Variants in CCDC180 observed in about 807,000 individuals in gnomAD.
CCDC180 encodes the protein coiled-coil domain containing 180.
In CCDC180, 154 loss-of-function variants were observed where a neutral mutation model predicts 209.2. The observed-to-expected ratio is 0.74, with a 90% confidence interval of 0.65 to 0.84. CCDC180 has a LOEUF of 0.84. CCDC180 is among the 40% of genes least tolerant of loss of function. The pLI is 0.00. For missense variants in CCDC180, 1,874 were observed against 1,997.3 expected, an observed-to-expected ratio of 0.94 and a Z score of 1.18; for synonymous variants, 778 against 749.1, an observed-to-expected ratio of 1.04 and a Z score of -0.63.
In CCDC180 at chr9:97,354,615, C is replaced by G. The variant is rs1206443745; in HGVS notation, c.3049C>G (p.Leu1017Val). Residue 1017 changes from leucine to valine, a missense_variant, in exon 23 of 37, where the codon CTG becomes GTG. By Grantham distance (32) the Leu-to-Val change is conservative. Coordinates refer to ENST00000529487, the MANE Select transcript of CCDC180 (RefSeq NM_020893.6). Reference protein sequence around the residue: ...GNFSPKEINSLCSRLEKEAAR... With the variant: ...GNFSPKEINSVCSRLEKEAAR... ...CTTTTCTCCTAAAGAAATCAATTCA[C>G]TGTGTTCCCGACTGGAGAAGGAAGC... The G allele has an allele frequency of 1.9e-6, 3 of 1,614,080 alleles. No homozygotes were observed. In the Admixed American group the frequency reaches 5.0e-5, roughly 27 times the overall value.
Position 97,337,955 on chromosome 9 carries a change from G to A in CCDC180, c.2275-5385G>A, listed in dbSNP as rs567720500. The stretch of plus-strand genomic sequence containing the variant: ...AGTTTTTCTAGTTTATTTGCATAGC[G>A]GTGTTTATAGTATTCTCTGATGGTA... On this transcript the variant is annotated intron_variant, in intron 18 of 36. Coordinates refer to ENST00000529487, the MANE Select transcript of CCDC180 (RefSeq NM_020893.6). Among the ~76,000 whole-genome samples, 30 of 152,220 alleles carry A rather than the reference G, an allele frequency of 2.0e-4. No individual in the cohort carries two copies. In the East Asian group the frequency reaches 3.9e-3, roughly 20 times the overall value.
Position 97,325,043 on chromosome 9 carries a change from C to G in CCDC180, c.1396C>G (p.Gln466Glu), listed in dbSNP as rs766961693. 1.2e-6 allele frequency: 2 copies of G among 1,613,972 alleles called. No individual in the cohort carries two copies. The highest frequency in any genetic ancestry group is 1.1e-5 in the South Asian group (1 of 91,014). ...LDKSFETLAD[Q>E]TEWQSSHLFK... The stretch of plus-strand genomic sequence containing the variant: ...GAAATCCTTCGAGACTCTGGCAGAT[C>G]AGACAGAGTGGCAGAGTTCACACCT... The change falls in exon 14 of 37, where the codon CAG becomes GAG. Residue 466 changes from glutamine (Q) to glutamate (E), a missense_variant. Gln to Glu is a conservative substitution (Grantham distance 29). Transcript: ENST00000529487.
chr9:97,307,823 C>T lies in CCDC180; in HGVS notation c.-82+17C>T, dbSNP rs1390636479. On this transcript the variant is annotated intron_variant, in intron 1 of 36. Coordinates refer to ENST00000529487, the MANE Select transcript of CCDC180 (RefSeq NM_020893.6). ...TCATCTGAGGTTAGTTTCATCGTTT[C>T]GTTGAAAGTTAAAACCCTAAGTCGA... 3 of 1,614,016 alleles carry T rather than the reference C, an allele frequency of 1.9e-6. No homozygotes were observed. Among genetic ancestry groups the T allele is most frequent in the Admixed American group, 1.7e-5 (1 of 60,006 alleles).
intron 33 of CCDC180, 172 bp downstream of exon 33, chr9:97,370,950 CTTTTTTTTTTT>C (rs67153822): frequency 1.4e-4 from 16 of 115,142 alleles, no homozygotes; most frequent in Non-Finnish European, 1.8e-4. Context: ...AACTTGTATA[CTTTTTTTTTTT>C]TTTTTTTTTT....
At chr9:97,313,131 G>A in intron 4 of CCDC180, 105 bp from the exon 5 acceptor site, 1 of 722,154 alleles carries the variant, frequency 1.4e-6, no homozygotes, top group South Asian at 1.5e-5. Context: ...TGGCTCTGGG[G>A]TCTACCTTCT....
chr9:97,374,350 C>T (rs1827182765), intron 34 of CCDC180, 193 bp from the exon 35 acceptor site: 10 of 576,776 alleles, frequency 1.7e-5, no homozygotes, highest in Non-Finnish European at 3.1e-5. Flanking sequence ...ATCCATGACC[C>T]CCTGCCCCTG....
rs1322671613 is a variant in CCDC180 at position 97,357,840 on chromosome 9, G to C, written c.3363+115G>C. On this transcript the variant is annotated intron_variant, in intron 25 of 36. Transcript: ENST00000529487. ...ATTTCTCCAGCACAAGGTTGGCGGG[G>C]TGGGGGGACATCTCTGAGCCTTCCT... is the stretch of plus-strand genomic sequence containing the variant. 6.4e-6 allele frequency: 5 copies of C among 781,756 alleles called. No individual in the cohort carries two copies. The Admixed American group carries it at 1.4e-4, about 22-fold the overall frequency. The allele number at this position is 781,756 out of a possible 1,614,324, so 48.4% of individuals were successfully genotyped here.
intron 18 of CCDC180, among the ~76,000 whole-genome samples, chr9:97,335,730 C>G (rs919902218): frequency 6.6e-6 from 1 of 152,172 alleles, no homozygotes; most frequent in Non-Finnish European, 1.5e-5. Context: ...ATTTCTAGTT[C>G]TAGATCCTTG....
In CCDC180 at chr9:97,364,039, T is replaced by A. The variant is rs1294139799; in HGVS notation, c.3903-12T>A. The A allele has an allele frequency of 6.2e-7, 1 of 1,613,774 alleles. No individual in the cohort carries two copies. Among genetic ancestry groups the A allele is most frequent in the Admixed American group, 1.7e-5 (1 of 59,974 alleles). ...ACAGCCTCCAGACCACCCACCCACC[T>A]TTGTCCCACAGCTTCACACCGCACC... is the stretch of plus-strand genomic sequence containing the variant. On this transcript the variant is annotated splice_polypyrimidine_tract_variant and intron_variant, in intron 28 of 36. Transcript: ENST00000529487.
At chr9:97,349,037 GC>G in intron 20 of CCDC180, 73 bp from the exon 21 acceptor site, 1 of 1,383,572 alleles carries the variant, frequency 7.2e-7, no homozygotes. Flanking sequence ...CAGCAGGCGG[GC>G]CTTGTTCCAG....
chr9:97,342,747 T>C (rs1325493002), intron 18 of CCDC180, among the ~76,000 whole-genome samples: 1 of 152,250 alleles, frequency 6.6e-6, no homozygotes, highest in Non-Finnish European at 1.5e-5. Context: ...TGCTTCACCT[T>C]GGTCTGTTTA....
At chr9:97,334,780 C>T (rs1475744630) in intron 18 of CCDC180, among the ~76,000 whole-genome samples, 1 of 152,090 alleles carries the variant, frequency 6.6e-6, no homozygotes, top group Non-Finnish European at 1.5e-5. Context: ...TAGGGCCAAA[C>T]ATAGTCTACT....
intron 8 of CCDC180, among the ~76,000 whole-genome samples, 173 bp downstream of exon 8, chr9:97,315,119 G>C (rs1833122717): frequency 6.6e-6 from 1 of 152,122 alleles, no homozygotes; most frequent in Non-Finnish European, 1.5e-5. Context: ...CCTTGCTATT[G>C]TAGTCCTTGC....
At chr9:97,352,898 A>G (rs887045516) in intron 22 of CCDC180, among the ~76,000 whole-genome samples, 3 of 151,406 alleles carry the variant, frequency 2.0e-5, no homozygotes, top group African/African-American at 7.3e-5. Flanking sequence ...TGAGTTTTCA[A>G]TTTTAATTAT....
chr9:97,360,036 A>G lies in CCDC180; in HGVS notation c.3418A>G (p.Ser1140Gly), dbSNP rs746823408. 1 of 1,614,036 alleles carries G rather than the reference A, an allele frequency of 6.2e-7. No individual in the cohort carries two copies. The highest frequency in any genetic ancestry group is 1.1e-5 in the South Asian group (1 of 91,080). The change falls in exon 26 of 37, where the codon AGC (serine) becomes GGC (glycine). Residue 1140 changes from serine (S) to glycine (G), a missense_variant. Coordinates refer to ENST00000529487, the MANE Select transcript of CCDC180 (RefSeq NM_020893.6). Reference protein sequence around the residue: ...SFVQTWKEKLSQRIQYLNCSL... With the variant: ...SFVQTWKEKLGQRIQYLNCSL... ...CGTCCAAACTTGGAAGGAAAAACTGAGCCAGAGGATTCAGTACCTTAACTG... is the reference window on the plus strand; with the variant it reads ...CGTCCAAACTTGGAAGGAAAAACTGGGCCAGAGGATTCAGTACCTTAACTG...
At chr9:97,348,286 A>G (rs561826950) in intron 20 of CCDC180, among the ~76,000 whole-genome samples, 3 of 152,280 alleles carry the variant, frequency 2.0e-5, no homozygotes, top group Non-Finnish European at 2.9e-5. Context: ...CAAGTTGACA[A>G]CTGGCCTTGA....
At chr9:97,347,867 C>T (rs1201291928) in intron 20 of CCDC180, among the ~76,000 whole-genome samples, 1 of 152,166 alleles carries the variant, frequency 6.6e-6, no homozygotes, top group Non-Finnish European at 1.5e-5. Context: ...CTCTCAGTTT[C>T]AACTCCTGTG....
At chr9:97,348,495 G>A (rs760903380) in intron 20 of CCDC180, among the ~76,000 whole-genome samples, 1 of 152,172 alleles carries the variant, frequency 6.6e-6, no homozygotes, top group Non-Finnish European at 1.5e-5. Flanking sequence ...GGCCAGAGAA[G>A]CAAAGTCCCA....
chr9:97,344,403 A>G (rs1259492196), intron 19 of CCDC180, among the ~76,000 whole-genome samples: 2 of 152,172 alleles, frequency 1.3e-5, no homozygotes, highest in Admixed American at 6.5e-5. Flanking sequence ...CTTGACTCAA[A>G]CATCATCCCT....
Sources: gnomAD v4.1 joint callset for allele counts (sites outside exome capture counted in the v4.1 genomes callset) on GRCh38, gnomAD v4.1.1 for gene constraint, MANE v1.5 for transcripts, NCBI Gene and HGNC (gene_info 2026-07-23, HGNC 2026-07-21) for gene names.